The following KIF26A variants were observed in gnomAD, a reference collection of about 807,000 sequenced individuals.
KIF26A encodes kinesin family member 26A, also known as kinesin-like protein KIF26A.
KIF26A carries 74 observed loss-of-function variants against 126.0 expected under a neutral mutation model. The observed-to-expected ratio is 0.59, with a 90% CI of 0.49 to 0.71. KIF26A has a LOEUF of 0.71. Among genes scored for constraint, KIF26A ranks in the 30% least tolerant of loss-of-function variants. The pLI is 0.00. For synonymous variants in KIF26A, 1,445 were observed against 1,232.7 expected, an observed-to-expected ratio of 1.17 and a Z score of -3.61; for missense variants, 2,984 against 2,763.3, an observed-to-expected ratio of 1.08 and a Z score of -1.79.
rs766826728 is a variant in KIF26A, at chr14:104,177,682, GACA to G, written c.4898_4900del (p.Asn1633del). The G allele has an allele frequency of 5.2e-6, 8 of 1,530,360 alleles. No individual in the cohort carries two copies. Among genetic ancestry groups the G allele is most frequent in the South Asian group, 3.6e-5 (3 of 83,380 alleles). 94.8% of individuals were successfully genotyped at this position (1,530,360 alleles called of 1,614,324 possible). A position where few individuals can be genotyped will look rare whatever the true frequency, so the allele number is the denominator to read the frequency against. On this transcript the variant is annotated inframe_deletion, in exon 12 of 15. Transcript: ENST00000423312. The stretch of plus-strand genomic sequence containing the variant: ...GCGCTACAGCAGCGGCCATGGCAGC[GACA>G]ACAGCAGCGTGCTGAGTGGAGAGCT...
intron 2 of KIF26A, among the ~76,000 whole-genome samples, chr14:104,145,615 C>T (rs536592213): frequency 0.076 from 5 of 66 alleles, no homozygotes; most frequent in Non-Finnish European, 0.12. Flanking sequence ...CTGTTTCTGG[C>T]GGAGGTGCCG....
chr14:104,173,885 G>A lies in KIF26A; in HGVS notation c.2030+17G>A, dbSNP rs2037987508. ...GCCGTATCGGTGAGTGTAGGGCCTG[G>A]GCAGGTGCCGACCAGGGTGGCCCCT... On this transcript the variant is annotated intron_variant, in intron 10 of 14. Transcript: ENST00000423312. 1 of 1,560,386 alleles carries A rather than the reference G, an allele frequency of 6.4e-7. No individual in the cohort carries two copies. Among genetic ancestry groups the A allele is most frequent in the African/African-American group, 1.4e-5 (1 of 74,008 alleles).
Position 104,139,060 on chromosome 14 carries a change from G to A in KIF26A, c.60G>A (p.Pro20=), listed in dbSNP as rs1019832902. 1.1e-4 allele frequency: 148 copies of A among 1,377,358 alleles called. No individual in the cohort carries two copies. Among genetic ancestry groups the A allele is most frequent in the Non-Finnish European group, 9.6e-5 (103 of 1,073,128 alleles). 85.3% of individuals were successfully genotyped at this position (1,377,358 alleles called of 1,614,324 possible). ...AAQPAVAEGG[P]AREPPPLLEV... Reference sequence around the variant, plus strand: ...CCCTGCAGGTGGCCGAGGGCGGCCCGGCCCGCGAGCCGCCGCCGCTGCTGG... The same window carrying A: ...CCCTGCAGGTGGCCGAGGGCGGCCCAGCCCGCGAGCCGCCGCCGCTGCTGG... The change falls in exon 2 of 15, where the codon CCG becomes CCA. Residue 20 remains proline (P), a synonymous_variant. Coordinates refer to ENST00000423312, the MANE Select transcript of KIF26A (RefSeq NM_015656.2).
At chr14:104,174,606 G>A (rs1346077618) in intron 11 of KIF26A, among the ~76,000 whole-genome samples, 3 of 151,906 alleles carry the variant, frequency 2.0e-5, no homozygotes, top group Admixed American at 1.3e-4. Context: ...CAGGAGAGCC[G>A]CACCACCTCT....
rs553796272 is a variant in KIF26A, at chr14:104,148,541, C to G, written c.289-3474C>G. Among the ~76,000 whole-genome samples the G allele has an allele frequency of 6.6e-6, 1 of 151,700 alleles. No individual in the cohort carries two copies. The highest frequency in any genetic ancestry group is 2.4e-5 in the African/African-American group (1 of 41,252). On this transcript the variant is annotated intron_variant, in intron 2 of 14. Transcript: ENST00000423312. The surrounding 1 kb of genome is among the most constrained non-coding windows in gnomAD (Gnocchi z 4.3). ...TGGGCCAGAGGACCCCGTGAGCTGC[C>G]GGGATGGCTGGGAGAGGAGGCCTGG...
chr14:104,176,888 G>A lies in KIF26A; in HGVS notation c.4100G>A (p.Arg1367Gln), dbSNP rs374354635. The A allele has an allele frequency of 1.6e-5, 25 of 1,540,326 alleles. No homozygotes were observed. In the East Asian group the frequency reaches 2.0e-4, roughly 12 times the overall value. The change falls in exon 12 of 15, where the codon CGG (arginine) becomes CAG (glutamine). Residue 1367 changes from arginine to glutamine, a missense_variant. Physicochemically the swap from Arg to Gln is conservative, Grantham distance 43. Transcript: ENST00000423312. ...GCGGCCCCCCCGGCCCCACCCACGC[G>A]GAAGTCCAGCCTGGAGCAGAGGAGC... ...SGAAPPAPPT[R>Q]KSSLEQRSSP...
Position 104,138,629 on chromosome 14 carries a change from TG to T in KIF26A, c.-89del. 3 of 1,022,158 alleles carry T rather than the reference TG, an allele frequency of 2.9e-6. No homozygotes were observed. The highest frequency in any genetic ancestry group is 7.6e-5 in the South Asian group (2 of 26,244). The allele number at this position is 1,022,158 out of a possible 1,614,324, so 63.3% of individuals were successfully genotyped here. ...ACTTCCGAGCGGCTGGGCCGGGCCA[TG>T]GGGGCGCCTCGGGGCCGGATCACGT... On this transcript the variant is annotated 5_prime_UTR_variant, in exon 1 of 15. The change abolishes the stop of an existing upstream ORF in the 5' untranslated region. Coordinates refer to ENST00000423312, the MANE Select transcript of KIF26A (RefSeq NM_015656.2).
rs2037729365 is a variant in KIF26A at position 104,151,548 on chromosome 14, G to T, written c.289-467G>T. On this transcript the variant is annotated intron_variant, in intron 2 of 14. Coordinates refer to ENST00000423312, the MANE Select transcript of KIF26A (RefSeq NM_015656.2). The surrounding 1 kb of genome is among the most constrained non-coding windows in gnomAD (Gnocchi z 4.9). Reference sequence around the variant, plus strand: ...ATTTGATTTTCCACCTGCCCCACCGGGGCTGGAGACCTGAAGAGGAAGGGA... The same window carrying T: ...ATTTGATTTTCCACCTGCCCCACCGTGGCTGGAGACCTGAAGAGGAAGGGA... Among the ~76,000 whole-genome samples the T allele has an allele frequency of 6.6e-6, 1 of 152,234 alleles. No individual in the cohort carries two copies. Among genetic ancestry groups the T allele is most frequent in the African/African-American group, 2.4e-5 (1 of 41,458 alleles).
At chr14:104,159,327 G>A (rs185715286) in intron 4 of KIF26A, among the ~76,000 whole-genome samples, 4 of 152,268 alleles carry the variant, frequency 2.6e-5, no homozygotes, top group Non-Finnish European at 5.9e-5. Context: ...GCACAGCCCT[G>A]TGGCCGTGCT....
rs1339633046 is a variant in KIF26A, at chr14:104,179,594, T to C, written c.5468-15T>C. ...GCCTGACGCAGGTGCCCCTCCCCTC[T>C]CCTCCCCTCCCCAGTTGAGGTGGAC... On this transcript the variant is annotated splice_polypyrimidine_tract_variant and intron_variant, in intron 14 of 14. Transcript: ENST00000423312. The C allele has an allele frequency of 2.0e-6, 3 of 1,500,512 alleles. No individual in the cohort carries two copies. Among genetic ancestry groups the C allele is most frequent in the Non-Finnish European group, 2.7e-6 (3 of 1,119,142 alleles). The allele number at this position is 1,500,512 out of a possible 1,614,324, so 92.9% of individuals were successfully genotyped here.
In KIF26A at chr14:104,139,125, A is replaced by G. The variant is rs1475064166; in HGVS notation, c.125A>G (p.Gln42Arg). ...PRKRLPAGPD[Q>R]DPCGSRPAPE... Reference sequence around the variant, plus strand: ...AAGAGGCTACCCGCCGGGCCCGACCAGGACCCATGCGGCAGCCGCCCTGCT... The same window carrying G: ...AAGAGGCTACCCGCCGGGCCCGACCGGGACCCATGCGGCAGCCGCCCTGCT... The change falls in exon 2 of 15, where the codon CAG (glutamine) becomes CGG (arginine). Residue 42 changes from glutamine (Q) to arginine (R), a missense_variant. Coordinates refer to ENST00000423312, the MANE Select transcript of KIF26A (RefSeq NM_015656.2). 12 of 1,507,494 alleles carry G rather than the reference A, an allele frequency of 8.0e-6. No individual in the cohort carries two copies. Among genetic ancestry groups the G allele is most frequent in the Non-Finnish European group, 9.7e-6 (11 of 1,129,022 alleles). The allele number at this position is 1,507,494 out of a possible 1,614,324, so 93.4% of individuals were successfully genotyped here.
intron 5 of KIF26A, among the ~76,000 whole-genome samples, chr14:104,167,903 C>G (rs1225639663): frequency 6.6e-6 from 1 of 152,194 alleles, no homozygotes; most frequent in East Asian, 1.9e-4. Context: ...CCATCAGGCT[C>G]CGTGCCCCTC....
chr14:104,173,049 G>C lies in KIF26A; in HGVS notation c.1493G>C (p.Trp498Ser). The change falls in exon 8 of 15, where the codon TGG (tryptophan) becomes TCG (serine). Residue 498 changes from tryptophan (W) to serine (S), a missense_variant. Physicochemically the swap from Trp to Ser is radical, Grantham distance 177. Coordinates refer to ENST00000423312, the MANE Select transcript of KIF26A (RefSeq NM_015656.2). The stretch of plus-strand genomic sequence containing the variant: ...GGCATCGTGCCCTGCGCCATCTCCT[G>C]GCTCTTCAGGCTCATCGAGGAGCGC... The part of the protein sequence containing the change: ...SLGIVPCAIS[W>S]LFRLIEERRE... 2 of 1,606,074 alleles carry C rather than the reference G, an allele frequency of 1.2e-6. No individual in the cohort carries two copies. The highest frequency in any genetic ancestry group is 1.7e-6 in the Non-Finnish European group (2 of 1,177,238).
At position 104,152,090 on chromosome 14, in the gene KIF26A, G is replaced by A. The variant is rs142275100; in HGVS notation, c.364G>A (p.Glu122Lys). Residue 122 changes from glutamate to lysine, a missense_variant, in exon 3 of 15, where the codon GAG (glutamate) becomes AAG (lysine). Glu to Lys is a moderately conservative substitution (Grantham distance 56). Coordinates refer to ENST00000423312, the MANE Select transcript of KIF26A (RefSeq NM_015656.2). This position sits in a 1 kb window ranked among gnomAD's most constrained non-coding sequence, Gnocchi z 5.9. ...GALPACRPEA[E>K]RRCDVCATHL... ...CCTGCCAGCCTGTCGCCCAGAGGCC[G>A]AGCGCCGCTGTGACGTCTGCGCCAC... The A allele has an allele frequency of 1.1e-5, 17 of 1,612,454 alleles. No individual in the cohort carries two copies. The East Asian group carries it at 3.6e-4, about 34-fold the overall frequency.
intron 3 of KIF26A, among the ~76,000 whole-genome samples, chr14:104,156,487 G>C (rs1012826326): frequency 6.6e-6 from 1 of 152,158 alleles, no homozygotes; most frequent in Non-Finnish European, 1.5e-5. Flanking sequence ...CTAGGGCCCA[G>C]GGGGCACCCA....
chr14:104,155,646 C>T (rs1236728777), intron 3 of KIF26A, among the ~76,000 whole-genome samples: 3 of 152,192 alleles, frequency 2.0e-5, no homozygotes, highest in Non-Finnish European at 4.4e-5. Context: ...GCTCTGCTTC[C>T]GGCAGGAATT....
In KIF26A at chr14:104,152,371, G is replaced by T. The variant is rs747368135; in HGVS notation, c.645G>T (p.Ala215=). Residue 215 remains alanine (A), a synonymous_variant, in exon 3 of 15, where the codon GCG becomes GCT. Transcript: ENST00000423312. This position sits in a 1 kb window ranked among gnomAD's most constrained non-coding sequence, Gnocchi z 5.9. ...VSVAPAGLGG[A]LSTVTIQAQQ... ...TAGCACCTGCGGGTCTTGGAGGGGC[G>T]CTGAGCACGGTCACCATCCAGGCCC... 1.3e-6 allele frequency: 2 copies of T among 1,591,746 alleles called. No homozygotes were observed. The highest frequency in any genetic ancestry group is 1.7e-6 in the Non-Finnish European group (2 of 1,170,856).
At position 104,152,136 on chromosome 14, in the gene KIF26A, G is replaced by A. The variant is rs887527464; in HGVS notation, c.410G>A (p.Arg137Gln). 2.6e-5 allele frequency: 42 copies of A among 1,611,366 alleles called. No homozygotes were observed. Among genetic ancestry groups the A allele is most frequent in the Non-Finnish European group, 3.4e-5 (40 of 1,179,576 alleles). Reference sequence around the variant, plus strand: ...GCCACACACCTGCAGCAGCTCACACGGGAGGCCATGCACCTGCTGCAGGCC... The same window carrying A: ...GCCACACACCTGCAGCAGCTCACACAGGAGGCCATGCACCTGCTGCAGGCC... The part of the protein sequence containing the change: ...VCATHLQQLT[R>Q]EAMHLLQAPA... Residue 137 changes from arginine (R) to glutamine (Q), a missense_variant, in exon 3 of 15, where the codon CGG becomes CAG. Transcript: ENST00000423312. The surrounding 1 kb of genome is among the most constrained non-coding windows in gnomAD (Gnocchi z 5.9).
intron 7 of KIF26A, 85 bp downstream of exon 7, chr14:104,172,753 G>C: frequency 1.2e-5 from 14 of 1,185,294 alleles, no homozygotes; most frequent in Non-Finnish European, 1.7e-5. Flanking sequence ...AGCTTCTGAT[G>C]GGAAAGGAGG....
Sources: allele counts gnomAD v4.1 joint callset (sites outside exome capture counted in the v4.1 genomes callset), GRCh38; gene constraint gnomAD v4.1.1; non-coding constraint Gnocchi (gnomAD v3.1); transcripts MANE v1.5; gene names NCBI Gene and HGNC (gene_info 2026-07-23, HGNC 2026-07-21).